Variants in PATL2 observed in about 807,000 individuals in gnomAD.
PATL2 encodes PAT1 homolog 2, also known as protein PAT1 homolog 2.
PATL2 carries 73 observed loss-of-function variants against 77.0 expected under a neutral mutation model. That is an observed-to-expected ratio of 0.95 (90% CI 0.78 to 1.15). The LOEUF (loss-of-function observed/expected upper bound fraction) is 1.15, where lower values mean the gene tolerates loss of function less well. PATL2 is among the 50% of genes most tolerant of loss of function. The probability of loss-of-function intolerance (pLI) is 0.00; values close to 1 mark genes in which losing one functional copy is unlikely to be tolerated. For missense variants in PATL2, 618 were observed against 655.4 expected, an observed-to-expected ratio of 0.94 and a Z score of 0.62; for synonymous variants, 265 against 257.1, an observed-to-expected ratio of 1.03 and a Z score of -0.29.
At chr15:44,695,781 T>C (rs2086491083) in intron 3 of PATL2, among the ~76,000 whole-genome samples, 1 of 152,238 alleles carries the variant, frequency 6.6e-6, no homozygotes, top group Non-Finnish European at 1.5e-5. Flanking sequence ...CTATGATGGA[T>C]CTGTGGACAC....
intron 3 of PATL2, among the ~76,000 whole-genome samples, chr15:44,689,521 C>T (rs1011576809): frequency 2.0e-5 from 3 of 152,210 alleles, no homozygotes; most frequent in African/African-American, 7.2e-5. Flanking sequence ...CCATGGAATA[C>T]TATGCAGCCA....
rs550296324 is a variant in PATL2 at position 44,669,792 on chromosome 15, A to G, written c.861T>C (p.His287=). The G allele has an allele frequency of 7.1e-6, 11 of 1,551,702 alleles. No homozygotes were observed. The highest frequency in any genetic ancestry group is 1.2e-5 in the South Asian group (1 of 84,064). ...GTGCTCCCACCTGCTCTTGAGTTCC[A>G]TGGGGTACCGCATCAATAGCTCGGC... is the stretch of plus-strand genomic sequence containing the variant. ...SPRRAIDAVP[H]GTQEQDIEAA... The change falls in exon 11 of 18, where the codon CAT becomes CAC. Residue 287 remains histidine, a synonymous_variant. Coordinates refer to ENST00000682850, the MANE Select transcript of PATL2 (RefSeq NM_001387263.1).
chr15:44,668,203 G>T, intron 15 of PATL2, 139 bp downstream of exon 15: 1 of 1,122,822 alleles, frequency 8.9e-7, no homozygotes, highest in Non-Finnish European at 1.2e-6. Flanking sequence ...GCTTCCAGGT[G>T]ATCATGTGCT....
At chr15:44,669,197 C>A in intron 13 of PATL2, 58 bp from the exon 14 acceptor site, 1 of 1,522,420 alleles carries the variant, frequency 6.6e-7, no homozygotes, top group Non-Finnish European at 8.9e-7. Context: ...GGGCTACATG[C>A]CACAAAGGAG....
Position 44,666,537 on chromosome 15 carries a change from C to T in PATL2, c.1468G>A (p.Asp490Asn). 2 of 1,549,110 alleles carry T rather than the reference C, an allele frequency of 1.3e-6. No homozygotes were observed. The highest frequency in any genetic ancestry group is 1.7e-6 in the Non-Finnish European group (2 of 1,145,842). Residue 490 changes from aspartate to asparagine, a missense_variant, in exon 17 of 18, where the codon GAC becomes AAC. By Grantham distance (23) the Asp-to-Asn change is conservative (BLOSUM62 1). Coordinates refer to ENST00000682850, the MANE Select transcript of PATL2 (RefSeq NM_001387263.1). ...TCCCAGGCAATCAGAACCACCATGT[C>T]TGTCCTAGAGAGCATAAATATAAAT... ...EPNSDHTAWTDMVVLIAWEIA... is the reference protein window; with the variant it reads ...EPNSDHTAWTNMVVLIAWEIA...
Position 44,711,278 on chromosome 15 carries a change from G to A in PATL2, c.-512C>T. 1 of 588,040 alleles carries A rather than the reference G, an allele frequency of 1.7e-6. No individual in the cohort carries two copies. Among genetic ancestry groups the A allele is most frequent in the Non-Finnish European group, 3.0e-6 (1 of 328,230 alleles). 36.4% of individuals were successfully genotyped at this position (588,040 alleles called of 1,614,324 possible). ...CTAGAATGAGCGCCCGGTGTCCCAA[G>A]CTGGGGCGCGCACCCCAGATCGGAG... On this transcript the variant is annotated 5_prime_UTR_variant, in exon 1 of 18. Coordinates refer to ENST00000682850, the MANE Select transcript of PATL2 (RefSeq NM_001387263.1).
intron 14 of PATL2, among the ~76,000 whole-genome samples, chr15:44,668,696 G>A (rs1473414611): frequency 6.6e-6 from 1 of 152,062 alleles, no homozygotes; most frequent in African/African-American, 2.4e-5. Flanking sequence ...AGTAGATAGG[G>A]GCTCAACATT....
chr15:44,703,320 T>G (rs920247021), intron 3 of PATL2, among the ~76,000 whole-genome samples: 1 of 152,078 alleles, frequency 6.6e-6, no homozygotes, highest in Admixed American at 6.5e-5. Context: ...ATAGTGCAGA[T>G]TAAGTCTGAT....
chr15:44,680,157 C>A (rs1468306456), intron 3 of PATL2, among the ~76,000 whole-genome samples: 2 of 152,210 alleles, frequency 1.3e-5, no homozygotes, highest in African/African-American at 4.8e-5. Context: ...TCACCCTGTT[C>A]ACACCTTGGT....
chr15:44,672,012 C>T lies in PATL2; in HGVS notation c.657+3G>A. The stretch of plus-strand genomic sequence containing the variant: ...AGGCTGGGCTGAGTACTGCGGGGCT[C>T]ACCTGGTAATAGTAGTCATCCAGGC... On this transcript the variant is annotated splice_donor_region_variant and intron_variant, in intron 9 of 17. Transcript: ENST00000682850. 1.3e-6 allele frequency: 2 copies of T among 1,551,702 alleles called. No homozygotes were observed. The highest frequency in any genetic ancestry group is 1.7e-6 in the Non-Finnish European group (2 of 1,146,992).
chr15:44,683,819 G>C (rs2086190020), intron 3 of PATL2, among the ~76,000 whole-genome samples: 1 of 152,202 alleles, frequency 6.6e-6, no homozygotes. Context: ...CCCAGCAGGG[G>C]TCGACAGACA....
chr15:44,677,523 AAAAC>A (rs1405596789), intron 3 of PATL2, among the ~76,000 whole-genome samples: 3 of 152,144 alleles, frequency 2.0e-5, no homozygotes, highest in Non-Finnish European at 4.4e-5. Context: ...AACAACAACA[AAAAC>A]AAAAACATAG....
At chr15:44,672,337 C>A (rs1423526934) in intron 8 of PATL2, 51 bp downstream of exon 8, 2 of 1,536,940 alleles carry the variant, frequency 1.3e-6, no homozygotes, top group Non-Finnish European at 1.8e-6. Flanking sequence ...CAAGGGGAGA[C>A]CCGGCATGCA....
At chr15:44,689,972 C>T (rs950670921) in intron 3 of PATL2, among the ~76,000 whole-genome samples, 1 of 152,078 alleles carries the variant, frequency 6.6e-6, no homozygotes, top group Admixed American at 6.6e-5. Context: ...GGCGGATCAC[C>T]TGAGGTCAGG....
At chr15:44,707,223 A>T (rs1189031562) in intron 3 of PATL2, among the ~76,000 whole-genome samples, 1 of 152,026 alleles carries the variant, frequency 6.6e-6, no homozygotes, top group South Asian at 2.1e-4. Context: ...CAGGGACCTT[A>T]AGAGGCCACT....
At chr15:44,700,956 TG>T (rs923875543) in intron 3 of PATL2, among the ~76,000 whole-genome samples, 27 of 152,002 alleles carry the variant, frequency 1.8e-4, no homozygotes, top group African/African-American at 6.3e-4. Context: ...GTCCAGTTTT[TG>T]GGGGGGGTTT....
At position 44,692,867 on chromosome 15, in the gene PATL2, G is replaced by A. The variant is rs1233819120; in HGVS notation, c.-75-16302C>T. Among the ~76,000 whole-genome samples, 3 of 152,392 alleles carry A rather than the reference G, an allele frequency of 2.0e-5. No individual in the cohort carries two copies. In the East Asian group the frequency reaches 5.8e-4, roughly 29 times the overall value. ...TGGCTCAGAAATGGCAGCACTGCCA[G>A]GACTCTGGCCTGTGATTCTCATGTG... On this transcript the variant is annotated intron_variant, in intron 3 of 17. Transcript: ENST00000682850.
Position 44,670,209 on chromosome 15 carries a change from T to G in PATL2, c.658-122A>C, listed in dbSNP as rs1006869781. 9 of 1,364,208 alleles carry G rather than the reference T, an allele frequency of 6.6e-6. No homozygotes were observed. In the Admixed American group the frequency reaches 2.0e-4, roughly 30 times the overall value. 84.5% of individuals were successfully genotyped at this position (1,364,208 alleles called of 1,614,324 possible). ...AGTTTTTTTGTGTGTGTTATAAGTT[T>G]TGTTGTTTGAGACAGCATCTCCCTC... On this transcript the variant is annotated intron_variant, in intron 9 of 17. Transcript: ENST00000682850.
chr15:44,705,582 T>G (rs980969147), intron 3 of PATL2, among the ~76,000 whole-genome samples: 1 of 152,192 alleles, frequency 6.6e-6, no homozygotes, highest in Non-Finnish European at 1.5e-5. Flanking sequence ...CTTCTGATTA[T>G]ATTTTCAAAT....
Sources: allele counts gnomAD v4.1 joint callset (sites outside exome capture counted in the v4.1 genomes callset), GRCh38; gene constraint gnomAD v4.1.1; transcripts MANE v1.5; gene names NCBI Gene and HGNC (gene_info 2026-07-23, HGNC 2026-07-21).